The following HDAC9 variants were observed in gnomAD, a reference collection of about 807,000 sequenced individuals.
HDAC9 encodes the protein histone deacetylase 9.
Under a neutral mutation model 139.4 loss-of-function variants are expected in HDAC9, and 41 were observed. The observed-to-expected ratio is 0.29, with a 90% confidence interval of 0.23 to 0.38. HDAC9 has a LOEUF of 0.38. Among genes scored for constraint, HDAC9 ranks in the 10% least tolerant of loss-of-function variants. The pLI is 1.00. For synonymous variants in HDAC9, 517 were observed against 476.2 expected (o/e 1.09, Z -1.12); for missense variants, 1,147 against 1,297.0 (o/e 0.88, Z 1.78).
At chr7:18,789,194 C>T (rs1179453745) in intron 16 of HDAC9, among the ~76,000 whole-genome samples, 2 of 151,822 alleles carry the variant, frequency 1.3e-5, no homozygotes, top group East Asian at 1.9e-4. Flanking sequence ...CTGTTTTGGT[C>T]ATCATTTTCT....
intron 2 of HDAC9, among the ~76,000 whole-genome samples, chr7:18,218,933 T>C (rs1310878197): frequency 6.6e-6 from 1 of 152,164 alleles, no homozygotes; most frequent in South Asian, 2.1e-4. Flanking sequence ...ATGTTACTCC[T>C]GGGTCAAGGC....
rs7455862 is a variant in HDAC9, at chr7:18,810,126, T to C, written c.2322+16674T>C. 6.5e-3 allele frequency among the ~76,000 whole-genome samples: 981 copies of C among 151,974 alleles called. 8 individuals are homozygous for C. The highest frequency in any genetic ancestry group is 0.022 in the African/African-American group (934 of 41,534). The stretch of plus-strand genomic sequence containing the variant: ...GTGAAATAATCCAGACACTTACATG[T>C]GGGTTCTAAAATAGTTGAGCTCATA... On this transcript the variant is annotated intron_variant, in intron 17 of 25. Transcript: ENST00000686413.
At chr7:18,946,506 T>A (rs1782413866) in intron 23 of HDAC9, among the ~76,000 whole-genome samples, 1 of 152,074 alleles carries the variant, frequency 6.6e-6, no homozygotes, top group African/African-American at 2.4e-5. Context: ...AAAATTCATG[T>A]GACCATATTA....
chr7:18,806,295 T>A (rs562179228), intron 17 of HDAC9, among the ~76,000 whole-genome samples: 1 of 152,338 alleles, frequency 6.6e-6, no homozygotes, highest in Admixed American at 6.5e-5. Context: ...GTCCTGGAAG[T>A]CTTTTGACAG....
At chr7:18,509,345 A>G in intron 2 of HDAC9, 4 of 985,436 alleles carry the variant, frequency 4.1e-6, no homozygotes, top group Non-Finnish European at 4.8e-6. Context: ...AACCAGGGGA[A>G]GACTGTCAGC....
At chr7:18,701,768 T>G (rs1404332659) in intron 12 of HDAC9, among the ~76,000 whole-genome samples, 1 of 152,226 alleles carries the variant, frequency 6.6e-6, no homozygotes, top group Non-Finnish European at 1.5e-5. Flanking sequence ...ACACCCTAGA[T>G]TCCCACATAT....
At chr7:18,846,767 TTTTA>T (rs2129220250) in intron 21 of HDAC9, among the ~76,000 whole-genome samples, 1 of 152,236 alleles carries the variant, frequency 6.6e-6, no homozygotes, top group East Asian at 1.9e-4. Flanking sequence ...GGCAACGGTG[TTTTA>T]ATTAGCAGGT....
rs1791380314 is a variant in HDAC9, at chr7:18,438,057, T to C, written c.-41-58205T>C. Among the ~76,000 whole-genome samples, 5 of 150,640 alleles carry C rather than the reference T, an allele frequency of 3.3e-5. No individual in the cohort carries two copies. The South Asian group carries it at 1.0e-3, about 31-fold the overall frequency. ...ACATGTATATACACTTTATATAAAG[T>C]GGTATATATATAAAGTTTATATATA... On this transcript the variant is annotated intron_variant, in intron 1 of 3. Coordinates refer to the HDAC9 transcript ENST00000413509.
chr7:18,994,590 G>A (rs1490930949), intron 25 of HDAC9, among the ~76,000 whole-genome samples: 2 of 151,860 alleles, frequency 1.3e-5, no homozygotes, highest in Non-Finnish European at 2.9e-5. Context: ...AAATAATGAA[G>A]ACTTAATGAT....
intron 1 of HDAC9, among the ~76,000 whole-genome samples, chr7:18,333,016 A>G (rs948739833): frequency 6.6e-6 from 1 of 151,606 alleles, no homozygotes; most frequent in African/African-American, 2.4e-5. Context: ...TGCCAAATAT[A>G]GTTGCTGATA....
intron 22 of HDAC9, among the ~76,000 whole-genome samples, chr7:18,898,849 C>T (rs1251528295): frequency 6.6e-6 from 1 of 151,682 alleles, no homozygotes; most frequent in Non-Finnish European, 1.5e-5. Context: ...ATCCAGAGGT[C>T]CAATATTTTG....
At chr7:18,615,654 G>A (rs1562587766) in intron 6 of HDAC9, among the ~76,000 whole-genome samples, 1 of 152,104 alleles carries the variant, frequency 6.6e-6, no homozygotes, top group Non-Finnish European at 1.5e-5. Flanking sequence ...CATTTTTGCT[G>A]TGTGATCATA....
chr7:18,408,735 CT>C (rs1788250908), intron 1 of HDAC9, among the ~76,000 whole-genome samples: 2 of 152,196 alleles, frequency 1.3e-5, no homozygotes, highest in South Asian at 4.1e-4. Flanking sequence ...GCAATGATTT[CT>C]TTAGTTTTTT....
intron 2 of HDAC9, among the ~76,000 whole-genome samples, chr7:18,163,590 T>A (rs371496887): frequency 9.2e-5 from 14 of 152,262 alleles, no homozygotes; most frequent in Admixed American, 2.6e-4. Flanking sequence ...TGGTTTAGCT[T>A]CTTCTGCCCA....
intron 1 of HDAC9, among the ~76,000 whole-genome samples, chr7:18,326,286 A>G (rs867869965): frequency 6.6e-6 from 1 of 152,106 alleles, no homozygotes; most frequent in African/African-American, 2.4e-5. Flanking sequence ...TCTTCAAATA[A>G]GGTATGCTTG....
At chr7:18,267,540 C>G (rs1390297830) in intron 2 of HDAC9, among the ~76,000 whole-genome samples, 2 of 152,092 alleles carry the variant, frequency 1.3e-5, no homozygotes, top group Non-Finnish European at 2.9e-5. Flanking sequence ...TGAGATCATG[C>G]AGTATTTGTC....
intron 12 of HDAC9, among the ~76,000 whole-genome samples, chr7:18,696,700 C>A (rs1364023648): frequency 6.6e-6 from 1 of 152,088 alleles, no homozygotes; most frequent in African/African-American, 2.4e-5. Context: ...CATCTCTTGA[C>A]CTTGTGATCA....
chr7:18,669,686 CAATTAAA>C (rs1318049564), intron 12 of HDAC9, among the ~76,000 whole-genome samples: 1 of 151,672 alleles, frequency 6.6e-6, no homozygotes, highest in Non-Finnish European at 1.5e-5. Context: ...TTAGAGAAAT[CAATTAAA>C]AAATGGTTTT....
At position 18,751,511 on chromosome 7, in the gene HDAC9, C is replaced by A. The variant is rs548904311; in HGVS notation, c.2043+2373C>A. ...ATCATTATATATGATAATGCTCCTA[C>A]ATTATCAAAACACCCATATTAGCGA... is the stretch of plus-strand genomic sequence containing the variant. On this transcript the variant is annotated intron_variant, in intron 14 of 25. Transcript: ENST00000686413. Among the ~76,000 whole-genome samples the A allele has an allele frequency of 3.9e-5, 6 of 152,194 alleles. No individual in the cohort carries two copies. The East Asian group carries it at 1.2e-3, about 29-fold the overall frequency.
Sources: gnomAD v4.1 joint callset for allele counts (sites outside exome capture counted in the v4.1 genomes callset) on GRCh38, gnomAD v4.1.1 for gene constraint, MANE v1.5 for transcripts, NCBI Gene and HGNC (gene_info 2026-07-23, HGNC 2026-07-21) for gene names.